ANO4: variants seen among roughly 807,000 people sequenced by gnomAD.
ANO4 encodes the protein anoctamin-4.
ANO4 carries 69 observed loss-of-function variants against 141.9 expected under a neutral mutation model. That is an observed-to-expected ratio of 0.49 (90% CI 0.40 to 0.59). ANO4 has a LOEUF of 0.59. Among genes scored for constraint, ANO4 ranks in the 20% least tolerant of loss-of-function variants. ANO4 has a pLI of 0.00. For synonymous variants in ANO4, 350 were observed against 394.3 expected (o/e 0.89, Z 1.33); for missense variants, 894 against 1,162.2 (o/e 0.77, Z 3.36).
intron 1 of ANO4, chr12:100,733,702 C>G: frequency 1.5e-6 from 1 of 651,478 alleles, no homozygotes; most frequent in Non-Finnish European, 2.8e-6. Context: ...TACCACCAGT[C>G]ATATATTTAC....
rs140545614 is a variant in ANO4 at position 100,962,447 on chromosome 12, T to C, written c.457-8859T>C. Reference sequence around the variant, plus strand: ...CGCGGCTGAAGAGATTACTTCAAACTTCAAGGCTTCAAGCAACCTATGTTT... The same window carrying C: ...CGCGGCTGAAGAGATTACTTCAAACCTCAAGGCTTCAAGCAACCTATGTTT... On this transcript the variant is annotated intron_variant, in intron 5 of 27. Coordinates refer to ENST00000392977, the MANE Select transcript of ANO4 (RefSeq NM_001286615.2). Among the ~76,000 whole-genome samples the C allele has an allele frequency of 6.1e-4, 93 of 152,262 alleles. 1 individual carries two copies. Among genetic ancestry groups the C allele is most frequent in the African/African-American group, 2.0e-3 (83 of 41,554 alleles).
intron 9 of ANO4, among the ~76,000 whole-genome samples, chr12:101,020,885 A>G (rs1452817474): frequency 6.6e-6 from 1 of 152,164 alleles, no homozygotes; most frequent in Non-Finnish European, 1.5e-5. Context: ...TTTTTTATCA[A>G]TAGTTTTAAT....
chr12:101,109,878 C>T (rs886111892), intron 22 of ANO4, among the ~76,000 whole-genome samples: 10 of 152,258 alleles, frequency 6.6e-5, no homozygotes, highest in East Asian at 1.9e-4. Context: ...CACTTATTTA[C>T]GTAAGTATAT....
Position 101,086,934 on chromosome 12 carries a change from T to G in ANO4, c.1701+110T>G, listed in dbSNP as rs1041713552. The G allele has an allele frequency of 9.4e-6, 12 of 1,276,090 alleles. No homozygotes were observed. The African/African-American group carries it at 1.8e-4, about 19-fold the overall frequency. The allele number at this position is 1,276,090 out of a possible 1,614,324, so 79.0% of individuals were successfully genotyped here. ...GCCTCAGAGAGGTGGGCCATTCACA[T>G]AGCACTGATGTCCTGGCAGCGAAGT... On this transcript the variant is annotated intron_variant, in intron 17 of 27. Transcript: ENST00000392977.
At chr12:100,881,372 A>G (rs11110573) in intron 1 of ANO4, among the ~76,000 whole-genome samples, 7,129 of 151,678 alleles carry the variant, frequency 0.047, 223 homozygotes, top group Middle Eastern at 0.095. Flanking sequence ...ATACAAATGC[A>G]TATTCATATT....
chr12:101,090,399 C>T (rs991674481), intron 17 of ANO4, among the ~76,000 whole-genome samples: 1 of 152,118 alleles, frequency 6.6e-6, no homozygotes, highest in Admixed American at 6.5e-5. Flanking sequence ...ACATATACAC[C>T]AAGGAATACT....
intron 1 of ANO4, among the ~76,000 whole-genome samples, chr12:100,856,597 G>A (rs2038185138): frequency 6.6e-6 from 1 of 152,116 alleles, no homozygotes; most frequent in African/African-American, 2.4e-5. Context: ...AGCTATTTCA[G>A]CTTGGCAAGA....
At chr12:101,098,550 TAG>T (rs1566245888) in intron 21 of ANO4, among the ~76,000 whole-genome samples, 1 of 152,186 alleles carries the variant, frequency 6.6e-6, no homozygotes, top group Non-Finnish European at 1.5e-5. Flanking sequence ...CCAGAACGAT[TAG>T]TGGGAACTTG....
chr12:100,763,481 C>T (rs539508658), intron 3 of ANO4, among the ~76,000 whole-genome samples: 58 of 152,350 alleles, frequency 3.8e-4, no homozygotes, highest in African/African-American at 1.3e-3. Context: ...TAAGCAGAAT[C>T]TCTAGTGCTT....
At chr12:100,984,503 G>T (rs2044622572) in intron 7 of ANO4, among the ~76,000 whole-genome samples, 1 of 152,096 alleles carries the variant, frequency 6.6e-6, no homozygotes, top group African/African-American at 2.4e-5. Flanking sequence ...CTTGCTATCT[G>T]TCTGGCAGCT....
intron 2 of ANO4, among the ~76,000 whole-genome samples, chr12:100,734,283 T>G (rs1269746851): frequency 6.6e-6 from 1 of 152,226 alleles, no homozygotes; most frequent in Non-Finnish European, 1.5e-5. Context: ...GCTAAGCAAG[T>G]GTTAGAGTGC....
chr12:101,117,849 T>A (rs1405073296), intron 25 of ANO4, among the ~76,000 whole-genome samples: 1 of 152,178 alleles, frequency 6.6e-6, no homozygotes, highest in Non-Finnish European at 1.5e-5. Context: ...TCCCTCATCT[T>A]ACAGAAGGTG....
At chr12:100,783,384 A>G (rs1339591006) in intron 3 of ANO4, among the ~76,000 whole-genome samples, 1 of 152,120 alleles carries the variant, frequency 6.6e-6, no homozygotes, top group Non-Finnish European at 1.5e-5. Flanking sequence ...TAACTATTTC[A>G]TTCAATCCAA....
intron 1 of ANO4, among the ~76,000 whole-genome samples, chr12:100,839,287 A>T (rs563893441): frequency 3.9e-5 from 6 of 152,200 alleles, no homozygotes; most frequent in African/African-American, 1.4e-4. Context: ...CTTTGAGGAG[A>T]TGCTGTAGTA....
intron 1 of ANO4, among the ~76,000 whole-genome samples, chr12:100,843,181 A>C (rs1021949830): frequency 1.6e-4 from 24 of 152,128 alleles, no homozygotes; most frequent in African/African-American, 5.6e-4. Context: ...TGAAGACTGA[A>C]ATAGTGCACA....
intron 22 of ANO4, among the ~76,000 whole-genome samples, chr12:101,100,951 G>C (rs927218314): frequency 2.0e-5 from 3 of 152,156 alleles, no homozygotes; most frequent in African/African-American, 7.2e-5. Context: ...TTGCCTGCAG[G>C]TCAGATTCAG....
At chr12:100,777,850 A>G (rs2033577999) in intron 3 of ANO4, among the ~76,000 whole-genome samples, 1 of 151,876 alleles carries the variant, frequency 6.6e-6, no homozygotes, top group Non-Finnish European at 1.5e-5. Context: ...ACTTATCATC[A>G]CATTGTGAGA....
chr12:100,975,122 A>G (rs1384775863), intron 7 of ANO4, among the ~76,000 whole-genome samples: 1 of 151,464 alleles, frequency 6.6e-6, no homozygotes. Context: ...ATTGCCATTC[A>G]TCTGCAAGTG....
intron 24 of ANO4, among the ~76,000 whole-genome samples, chr12:101,113,927 TG>T (rs2050756054): frequency 6.6e-6 from 1 of 152,234 alleles, no homozygotes; most frequent in Non-Finnish European, 1.5e-5. Context: ...AGATCTTTCT[TG>T]GAAGTGCCTA....
Sources: allele counts gnomAD v4.1 joint callset (sites outside exome capture counted in the v4.1 genomes callset), GRCh38; gene constraint gnomAD v4.1.1; transcripts MANE v1.5; gene names NCBI Gene and HGNC (gene_info 2026-07-23, HGNC 2026-07-21).